The following TASP1 variants were observed in gnomAD, a reference collection of about 807,000 sequenced individuals.
TASP1 encodes taspase 1.
Under a neutral mutation model 56.6 loss-of-function variants are expected in TASP1, and 16 were observed. That is an observed-to-expected ratio of 0.28 (90% confidence interval 0.19 to 0.43). The LOEUF is 0.43. Among genes scored for constraint, TASP1 ranks in the 20% least tolerant of loss-of-function variants. The pLI, the probability that TASP1 is intolerant of heterozygous loss-of-function variation, is 1.00. For synonymous variants in TASP1, 179 were observed against 184.2 expected, an observed-to-expected ratio of 0.97 and a Z score of 0.23; for missense variants, 393 against 511.6, an observed-to-expected ratio of 0.77 and a Z score of 2.24.
At chr20:13,597,096 C>T (rs2147326012) in intron 4 of TASP1, among the ~76,000 whole-genome samples, 1 of 152,280 alleles carries the variant, frequency 6.6e-6, no homozygotes, top group South Asian at 2.1e-4. Context: ...CGAGTTCTAC[C>T]AGAGGTACAA....
chr20:13,362,000 AT>A, the TASP1 span, among the ~76,000 whole-genome samples: 1 of 150,096 alleles, frequency 6.7e-6, no homozygotes, highest in Non-Finnish European at 1.5e-5. Context: ...GCCATCACCA[AT>A]CATTCTATAC....
intron 1 of TASP1, among the ~76,000 whole-genome samples, chr20:13,633,214 A>T (rs2049163279): frequency 6.6e-6 from 1 of 152,182 alleles, no homozygotes; most frequent in African/African-American, 2.4e-5. Context: ...TAAGTAAAAA[A>T]GGAATGGAAA....
At chr20:13,519,059 A>G (rs1045583391) in intron 10 of TASP1, among the ~76,000 whole-genome samples, 3 of 152,164 alleles carry the variant, frequency 2.0e-5, no homozygotes, top group Non-Finnish European at 2.9e-5. Flanking sequence ...CATTATCCTA[A>G]GCAAATTAAT....
the TASP1 span, among the ~76,000 whole-genome samples, chr20:13,339,911 C>CT: frequency 6.6e-5 from 10 of 151,912 alleles, no homozygotes; most frequent in Admixed American, 3.9e-4. Flanking sequence ...GTCTGGAGTC[C>CT]TTTTTTCTCT....
intron 4 of TASP1, among the ~76,000 whole-genome samples, chr20:13,588,198 C>T (rs1248838618): frequency 2.0e-5 from 3 of 148,898 alleles, no homozygotes; most frequent in Non-Finnish European, 4.4e-5. Context: ...CACCAATATA[C>T]TGTACAATCT....
At chr20:13,503,824 T>A (rs2044034359) in intron 10 of TASP1, among the ~76,000 whole-genome samples, 1 of 151,300 alleles carries the variant, frequency 6.6e-6, no homozygotes, top group Non-Finnish European at 1.5e-5. Context: ...AATGAAAAAA[T>A]TTAATAGAGA....
chr20:13,602,997 G>A (rs758907868), intron 4 of TASP1, among the ~76,000 whole-genome samples: 4 of 151,668 alleles, frequency 2.6e-5, no homozygotes, highest in African/African-American at 9.7e-5. Flanking sequence ...TTGGGAGGCC[G>A]AGGCAGGTGG....
chr20:13,458,701 T>C (rs1167889996), intron 11 of TASP1, among the ~76,000 whole-genome samples: 2 of 152,120 alleles, frequency 1.3e-5, no homozygotes. Context: ...TTCACTTTCT[T>C]GACCCATCCA....
At chr20:13,349,666 G>A in the TASP1 span, among the ~76,000 whole-genome samples, 3 of 152,242 alleles carry the variant, frequency 2.0e-5, no homozygotes, top group African/African-American at 7.2e-5. Flanking sequence ...TTAGAAAGAA[G>A]TCTCTATCCA....
At chr20:13,262,977 C>T in the TASP1 span, among the ~76,000 whole-genome samples, 2 of 152,178 alleles carry the variant, frequency 1.3e-5, no homozygotes, top group East Asian at 3.8e-4. Context: ...CAGCAGGCTC[C>T]ATTCCCAAAC....
chr20:13,458,578 T>A (rs951494942), intron 11 of TASP1, among the ~76,000 whole-genome samples: 1 of 152,060 alleles, frequency 6.6e-6, no homozygotes, highest in Non-Finnish European at 1.5e-5. Context: ...GACCCTTGGA[T>A]GATCCACCTG....
At chr20:13,251,692 A>G in the TASP1 span, among the ~76,000 whole-genome samples, 2 of 152,246 alleles carry the variant, frequency 1.3e-5, no homozygotes, top group Non-Finnish European at 2.9e-5. Context: ...AACAGACTCT[A>G]TCTTCTGACC....
the TASP1 span, among the ~76,000 whole-genome samples, chr20:13,314,967 G>A: frequency 2.6e-5 from 4 of 152,024 alleles, no homozygotes; most frequent in Non-Finnish European, 5.9e-5. Context: ...TTTGAAAGTG[G>A]ACTTGGATTA....
chr20:13,553,469 GACT>G (rs1416143841), intron 8 of TASP1, among the ~76,000 whole-genome samples: 1 of 152,034 alleles, frequency 6.6e-6, no homozygotes, highest in Admixed American at 6.6e-5. Flanking sequence ...AGAACTTAAG[GACT>G]ACTATTTTTA....
At chr20:13,606,134 TGC>T (rs1281423511) in intron 4 of TASP1, among the ~76,000 whole-genome samples, 1 of 90,516 alleles carries the variant, frequency 1.1e-5, no homozygotes, top group South Asian at 3.6e-4. Flanking sequence ...TGTGTGTGCG[TGC>T]GTGTGTGTGT....
intron 4 of TASP1, among the ~76,000 whole-genome samples, chr20:13,601,611 G>A (rs2047959577): frequency 6.6e-6 from 1 of 152,064 alleles, no homozygotes; most frequent in Non-Finnish European, 1.5e-5. Flanking sequence ...GCTCAAGAAG[G>A]TGAAGCAAAA....
At chr20:13,469,567 A>G (rs922184478) in intron 11 of TASP1, among the ~76,000 whole-genome samples, 1 of 152,146 alleles carries the variant, frequency 6.6e-6, no homozygotes, top group African/African-American at 2.4e-5. Flanking sequence ...GAAAGGAAGA[A>G]GAGAAAAATA....
At chr20:13,424,878 G>C (rs998399282) in intron 12 of TASP1, among the ~76,000 whole-genome samples, 1 of 152,138 alleles carries the variant, frequency 6.6e-6, no homozygotes, top group Non-Finnish European at 1.5e-5. Flanking sequence ...CATAGACACA[G>C]AGATTTGGCA....
intron 7 of TASP1, among the ~76,000 whole-genome samples, chr20:13,559,524 G>A (rs1282373283): frequency 6.6e-6 from 1 of 152,082 alleles, no homozygotes; most frequent in Middle Eastern, 3.2e-3. Context: ...CAGTGAATGG[G>A]CAAATGAGAA....
Sources: gnomAD v4.1 joint callset for allele counts (sites outside exome capture counted in the v4.1 genomes callset) on GRCh38, gnomAD v4.1.1 for gene constraint, MANE v1.5 for transcripts, NCBI Gene and HGNC (gene_info 2026-07-23, HGNC 2026-07-21) for gene names.